The following TANC2 variants were observed in gnomAD, a reference collection of about 807,000 sequenced individuals.
The protein encoded by TANC2 is tetratricopeptide repeat, ankyrin repeat and coiled-coil containing 2.
A neutral mutation model predicts 210.5 loss-of-function variants in TANC2; 26 were observed. The observed-to-expected ratio is 0.12, with a 90% CI of 0.09 to 0.17. The LOEUF (loss-of-function observed/expected upper bound fraction) is 0.17, where lower values mean the gene tolerates loss of function less well. TANC2 is among the 10% of genes least tolerant of loss of function. The pLI is 1.00. For missense variants in TANC2, 2,129 were observed against 2,608.9 expected, an observed-to-expected ratio of 0.82 and a Z score of 4.01; for synonymous variants, 931 against 967.1, an observed-to-expected ratio of 0.96 and a Z score of 0.69.
chr17:63,377,811 A>G (rs1372069252), intron 14 of TANC2, among the ~76,000 whole-genome samples: 1 of 152,222 alleles, frequency 6.6e-6, no homozygotes, highest in Non-Finnish European at 1.5e-5. Context: ...TATAAAGAAA[A>G]GAGATTTCGT....
chr17:63,060,090 A>G (rs1370692579), intron 2 of TANC2, among the ~76,000 whole-genome samples: 1 of 152,220 alleles, frequency 6.6e-6, no homozygotes, highest in Non-Finnish European at 1.5e-5. Flanking sequence ...TTTCTTCCAC[A>G]CTGAGAAATC....
intron 14 of TANC2, among the ~76,000 whole-genome samples, chr17:63,365,246 A>G (rs2047076269): frequency 6.7e-6 from 1 of 150,178 alleles, no homozygotes; most frequent in South Asian, 2.1e-4. Flanking sequence ...AGATCTCCAC[A>G]TTTTCAACAC....
At chr17:63,197,881 C>T (rs1308981143) in intron 6 of TANC2, 1 of 152,178 alleles carries the variant, frequency 6.6e-6, no homozygotes, top group African/African-American at 2.4e-5. Context: ...ATTAACTAGT[C>T]TCCTTAAGTA....
chr17:63,425,792 G>A (rs1223425576), exon 28 of TANC2: 1 of 152,264 alleles, frequency 6.6e-6, no homozygotes, highest in Non-Finnish European at 1.5e-5. Context: ...GCAGAGGCTG[G>A]AAGAAGGTTG....
chr17:62,981,432 A>G (rs1400362189), intron 1 of TANC2, among the ~76,000 whole-genome samples: 2 of 152,154 alleles, frequency 1.3e-5, no homozygotes, highest in Non-Finnish European at 1.5e-5. Context: ...ATTGCTGTGA[A>G]CATAACTCTC....
chr17:62,982,305 G>C (rs2032343969), intron 1 of TANC2, among the ~76,000 whole-genome samples: 1 of 152,074 alleles, frequency 6.6e-6, no homozygotes, highest in African/African-American at 2.4e-5. Context: ...TCAGGAACTG[G>C]GGACAAAGGT....
intron 10 of TANC2, among the ~76,000 whole-genome samples, chr17:63,316,815 T>G (rs967549504): frequency 1.3e-5 from 2 of 152,262 alleles, no homozygotes; most frequent in Admixed American, 6.5e-5. Context: ...ATGCAAGCTA[T>G]TTTTTGGCAC....
chr17:63,156,099 A>G (rs1027716589), intron 5 of TANC2, among the ~76,000 whole-genome samples: 10 of 152,064 alleles, frequency 6.6e-5, no homozygotes, highest in Non-Finnish European at 1.0e-4. Flanking sequence ...TTTGCTACAA[A>G]CTATGTGCTT....
At chr17:63,185,106 T>A (rs1277686369) in intron 5 of TANC2, among the ~76,000 whole-genome samples, 1 of 152,014 alleles carries the variant, frequency 6.6e-6, no homozygotes, top group African/African-American at 2.4e-5. Flanking sequence ...GCCATCCTCT[T>A]ACTTTACCCA....
In TANC2 at chr17:63,400,802, CCTGA is replaced by C. The variant is rs576615620; in HGVS notation, c.3331+1891_3331+1894del. 7.4e-3 allele frequency among the ~76,000 whole-genome samples: 1,094 copies of C among 148,754 alleles called. 2 individuals are homozygous for C. Among genetic ancestry groups the C allele is most frequent in the Non-Finnish European group, 0.011 (759 of 66,334 alleles). ...GGGATTACAGGCGTGCACCACCACA[CCTGA>C]CTAATTTTTTTTTTTTTTGTATTTT... On this transcript the variant is annotated intron_variant, in intron 19 of 27. Coordinates refer to ENST00000689528, the Ensembl canonical transcript of TANC2.
intron 14 of TANC2, among the ~76,000 whole-genome samples, chr17:63,364,291 T>C (rs991739339): frequency 1.3e-5 from 2 of 152,206 alleles, no homozygotes; most frequent in Non-Finnish European, 2.9e-5. Context: ...ATTAGTCAAA[T>C]AGGCAAACTG....
chr17:63,125,819 C>T (rs1029764163), intron 4 of TANC2, among the ~76,000 whole-genome samples: 2 of 152,176 alleles, frequency 1.3e-5, no homozygotes, highest in African/African-American at 2.4e-5. Context: ...ACATTCAGTA[C>T]ACAGCAGGCC....
At chr17:63,213,784 A>T (rs2041952768) in intron 7 of TANC2, among the ~76,000 whole-genome samples, 1 of 152,234 alleles carries the variant, frequency 6.6e-6, no homozygotes, top group African/African-American at 2.4e-5. Flanking sequence ...TTTTGGCAAC[A>T]TGCTGAAATA....
chr17:63,123,044 T>C (rs1183963006), intron 4 of TANC2, among the ~76,000 whole-genome samples: 1 of 152,150 alleles, frequency 6.6e-6, no homozygotes, highest in Admixed American at 6.5e-5. Flanking sequence ...TAACCTAACA[T>C]GGTAGCCATG....
intron 9 of TANC2, among the ~76,000 whole-genome samples, chr17:63,302,771 T>C (rs1367477468): frequency 6.6e-6 from 1 of 151,856 alleles, no homozygotes; most frequent in East Asian, 1.9e-4. Context: ...TCAGGTTTTT[T>C]GTTTTGTTTT....
intron 7 of TANC2, among the ~76,000 whole-genome samples, chr17:63,205,838 G>A (rs1323365056): frequency 6.6e-6 from 1 of 152,082 alleles, no homozygotes; most frequent in Non-Finnish European, 1.5e-5. Context: ...AAGCCGGGAA[G>A]CAGAGGTGGC....
intron 5 of TANC2, among the ~76,000 whole-genome samples, chr17:63,158,898 A>T (rs1015784401): frequency 6.6e-6 from 1 of 152,148 alleles, no homozygotes; most frequent in Admixed American, 6.5e-5. Flanking sequence ...GTTTATACAC[A>T]TAGTTATTAG....
chr17:63,355,786 G>A (rs1278601447), intron 14 of TANC2, among the ~76,000 whole-genome samples: 2 of 152,002 alleles, frequency 1.3e-5, no homozygotes, highest in South Asian at 2.1e-4. Flanking sequence ...AGTTTTTATT[G>A]CCCTTTTATA....
intron 9 of TANC2, among the ~76,000 whole-genome samples, chr17:63,303,961 AC>A (rs1303003031): frequency 6.6e-6 from 1 of 151,334 alleles, no homozygotes; most frequent in Non-Finnish European, 1.5e-5. Context: ...TCCTCTCTAA[AC>A]TGGTTATTCT....
Sources: allele counts gnomAD v4.1 joint callset (sites outside exome capture counted in the v4.1 genomes callset), GRCh38; gene constraint gnomAD v4.1.1; transcripts MANE v1.5; gene names NCBI Gene and HGNC (gene_info 2026-07-23, HGNC 2026-07-21).